The following TUT7 variants were observed in gnomAD, a reference collection of about 807,000 sequenced individuals.
TUT7 encodes the protein terminal uridylyl transferase 7, also known as terminal uridylyltransferase 7.
TUT7 carries 33 observed loss-of-function variants against 165.9 expected under a neutral mutation model. The ratio of observed to expected loss-of-function variants is 0.20; its 90% confidence interval spans 0.15 to 0.27. The LOEUF (loss-of-function observed/expected upper bound fraction) is 0.27. TUT7 is among the 10% of genes least tolerant of loss of function. The probability of loss-of-function intolerance (pLI) is 1.00; values close to 1 mark genes in which losing one functional copy is unlikely to be tolerated. For synonymous variants in TUT7, 552 were observed against 608.1 expected (o/e 0.91, Z 1.36); for missense variants, 1,338 against 1,762.3 (o/e 0.76, Z 4.31).
chr9:86,331,339 A>G (rs995843661), intron 10 of TUT7, among the ~76,000 whole-genome samples: 2 of 152,196 alleles, frequency 1.3e-5, no homozygotes, highest in Admixed American at 1.3e-4. Context: ...GTTATTGGGT[A>G]TAGTGTTTTA....
chr9:86,337,575 T>C (rs754100130), intron 9 of TUT7, 37 bp from the exon 10 acceptor site: 2 of 1,578,798 alleles, frequency 1.3e-6, no homozygotes, highest in Admixed American at 2.0e-5. Flanking sequence ...GCATTCTTTT[T>C]GTATGAATTT....
chr9:86,311,757 T>C lies in TUT7; in HGVS notation c.3275-948A>G, dbSNP rs1053194877. Among the ~76,000 whole-genome samples, 1 of 152,000 alleles carries C rather than the reference T, an allele frequency of 6.6e-6. No individual in the cohort carries two copies. The highest frequency in any genetic ancestry group is 1.5e-5 in the Non-Finnish European group (1 of 68,006). On this transcript the variant is annotated intron_variant, in intron 17 of 26. Coordinates refer to ENST00000375963, the MANE Select transcript of TUT7 (RefSeq NM_024617.4). The surrounding 1 kb of genome is among the most constrained non-coding windows in gnomAD (Gnocchi z 4.4). The stretch of plus-strand genomic sequence containing the variant: ...GCCTCAGCCTGCCGAGTGCCTGCGA[T>C]TGCAGGTGCGCGCCGCCACGCCTGA...
chr9:86,346,219 G>GGAT lies in TUT7; in HGVS notation c.702+79_702+80insATC. On this transcript the variant is annotated intron_variant, in intron 3 of 26. Transcript: ENST00000375963. ...CCAAAGTAGGATATCTAATTGATCA[G>GGAT]AGCATGCATACTCAATTAACAACAA... The GGAT allele has an allele frequency of 1.4e-5, 18 of 1,328,578 alleles. 1 individual carries two copies. In the South Asian group the frequency reaches 2.4e-4, roughly 18 times the overall value. The allele number at this position is 1,328,578 out of a possible 1,614,324, so 82.3% of individuals were successfully genotyped here.
chr9:86,299,970 A>C (rs961828765), intron 26 of TUT7, among the ~76,000 whole-genome samples: 2 of 152,228 alleles, frequency 1.3e-5, no homozygotes, highest in African/African-American at 4.8e-5. Context: ...TGTTGTAAAA[A>C]TTAAATGAAA....
chr9:86,310,665 C>T (rs1158948498), intron 18 of TUT7, 41 bp downstream of exon 18: 3 of 1,109,698 alleles, frequency 2.7e-6, no homozygotes, highest in Non-Finnish European at 4.1e-6. Flanking sequence ...GACATTTGTT[C>T]CCTTAACCTC....
At chr9:86,350,009 C>T (rs1010874793) in intron 2 of TUT7, among the ~76,000 whole-genome samples, 1 of 152,082 alleles carries the variant, frequency 6.6e-6, no homozygotes, top group Non-Finnish European at 1.5e-5. Context: ...TGTCTAGTTG[C>T]AAATTTTTGA....
chr9:86,353,998 AGAG>A (rs773548756), intron 1 of TUT7, among the ~76,000 whole-genome samples: 161 of 152,328 alleles, frequency 1.1e-3, no homozygotes, highest in African/African-American at 3.6e-3. Context: ...ACGTGGAGAA[AGAG>A]GAGGCGTCCC....
chr9:86,322,747 G>T, intron 13 of TUT7, 126 bp downstream of exon 13: 1 of 1,163,026 alleles, frequency 8.6e-7, no homozygotes, highest in Non-Finnish European at 1.2e-6. Context: ...AGTCATATCA[G>T]AATGAAAGGC....
chr9:86,319,892 G>A (rs867165875), intron 14 of TUT7, among the ~76,000 whole-genome samples: 1 of 152,136 alleles, frequency 6.6e-6, no homozygotes, highest in African/African-American at 2.4e-5. Flanking sequence ...CAGTGCAGTA[G>A]TGTGATCTTA....
Position 86,291,795 on chromosome 9 carries a change from T to C in TUT7, c.4421-3051A>G, listed in dbSNP as rs553818290. Among the ~76,000 whole-genome samples the C allele has an allele frequency of 1.4e-4, 21 of 152,248 alleles. 1 individual carries two copies. In the South Asian group the frequency reaches 4.4e-3, roughly 32 times the overall value. On this transcript the variant is annotated intron_variant, in intron 26 of 26. Transcript: ENST00000375963. ...CCAATACAAGCGTAATCTGATAGAATCTAACTAAAATGCACATAAGCTATG... is the reference window on the plus strand; with the variant it reads ...CCAATACAAGCGTAATCTGATAGAACCTAACTAAAATGCACATAAGCTATG...
chr9:86,307,031 A>G (rs968200399), intron 22 of TUT7, among the ~76,000 whole-genome samples: 2 of 152,160 alleles, frequency 1.3e-5, no homozygotes, highest in African/African-American at 4.8e-5. Flanking sequence ...GCACTTTGGG[A>G]GGCTGAAGTG....
intron 10 of TUT7, among the ~76,000 whole-genome samples, chr9:86,328,846 T>C (rs1181263816): frequency 1.3e-5 from 2 of 152,196 alleles, no homozygotes; most frequent in African/African-American, 2.4e-5. Context: ...ACTTACTCTC[T>C]GTAGGCCTCA....
At chr9:86,341,346 G>C (rs1026899774) in intron 6 of TUT7, among the ~76,000 whole-genome samples, 2 of 152,172 alleles carry the variant, frequency 1.3e-5, no homozygotes, top group African/African-American at 4.8e-5. Context: ...CTGGAAGTTT[G>C]TCAAACTGCT....
chr9:86,342,731 A>T (rs573248932), intron 6 of TUT7, among the ~76,000 whole-genome samples: 1 of 152,270 alleles, frequency 6.6e-6, no homozygotes, highest in East Asian at 1.9e-4. Context: ...CAGATCATAA[A>T]TGTTTAAATA....
intron 26 of TUT7, among the ~76,000 whole-genome samples, chr9:86,294,697 G>A (rs1231842400): frequency 2.0e-5 from 3 of 151,122 alleles, no homozygotes; most frequent in Non-Finnish European, 3.0e-5. Flanking sequence ...TATTAAAGTC[G>A]TTGTAAGTAA....
chr9:86,307,968 T>C (rs1178929754), intron 22 of TUT7, among the ~76,000 whole-genome samples: 1 of 152,114 alleles, frequency 6.6e-6, no homozygotes, highest in Non-Finnish European at 1.5e-5. Flanking sequence ...CACTCCAGCC[T>C]GGGCAACAAG....
chr9:86,314,413 C>A (rs1828520104), intron 17 of TUT7, among the ~76,000 whole-genome samples: 1 of 152,092 alleles, frequency 6.6e-6, no homozygotes, highest in African/African-American at 2.4e-5. Context: ...TTATTTTCAT[C>A]TTCAATTCTG....
chr9:86,340,228 A>C, intron 7 of TUT7, 123 bp from the exon 8 acceptor site: 2 of 745,748 alleles, frequency 2.7e-6, no homozygotes, highest in Non-Finnish European at 2.3e-6. Context: ...ACCACTACTA[A>C]ATAATGCTCT....
At chr9:86,303,563 T>C (rs1827154064) in intron 24 of TUT7, among the ~76,000 whole-genome samples, 1 of 152,084 alleles carries the variant, frequency 6.6e-6, no homozygotes, top group Non-Finnish European at 1.5e-5. Flanking sequence ...GGCTAAAACA[T>C]AATGAATTGA....
Sources: gnomAD v4.1 joint callset for allele counts (sites outside exome capture counted in the v4.1 genomes callset) on GRCh38, gnomAD v4.1.1 for gene constraint, Gnocchi (gnomAD v3.1) non-coding constraint, MANE v1.5 for transcripts, NCBI Gene and HGNC (gene_info 2026-07-23, HGNC 2026-07-21) for gene names.